NAALADL2: variants seen among roughly 807,000 people sequenced by gnomAD.
NAALADL2 encodes the protein inactive N-acetylated-alpha-linked acidic dipeptidase-like protein 2.
In NAALADL2, 76 loss-of-function variants were observed where a neutral mutation model predicts 87.2. The observed-to-expected ratio is 0.87, with a 90% CI of 0.72 to 1.05. The LOEUF (loss-of-function observed/expected upper bound fraction) is 1.05. Ranked by LOEUF, NAALADL2 falls within the 50% of genes least tolerant of loss-of-function variation. NAALADL2 has a pLI of 0.00. For synonymous variants in NAALADL2, 354 were observed against 331.0 expected, an observed-to-expected ratio of 1.07 and a Z score of -0.75; for missense variants, 1,089 against 945.8, an observed-to-expected ratio of 1.15 and a Z score of -1.99.
At position 175,718,195 on chromosome 3, in the gene NAALADL2, G is replaced by GTTTTTTTT. The variant is rs1244400650; in HGVS notation, c.1897-19090_1897-19083dup. ...TGGAGGGGAAGGGGAAGGGCCTGTG[G>GTTTTTTTT]TTTTTTTTTTTTTTTTTTTTTTTTT... is the stretch of plus-strand genomic sequence containing the variant. On this transcript the variant is annotated intron_variant, in intron 11 of 13. Coordinates refer to ENST00000454872, the MANE Select transcript of NAALADL2 (RefSeq NM_207015.3). 68 of 823,390 alleles carry GTTTTTTTT rather than the reference G, an allele frequency of 8.3e-5. 17 individuals carry two copies. Among genetic ancestry groups the GTTTTTTTT allele is most frequent in the South Asian group, 2.4e-4 (13 of 54,356 alleles). 51.0% of individuals were successfully genotyped at this position (823,390 alleles called of 1,614,324 possible).
At chr3:175,597,633 G>A (rs1167370744) in intron 10 of NAALADL2, among the ~76,000 whole-genome samples, 1 of 151,934 alleles carries the variant, frequency 6.6e-6, no homozygotes. Flanking sequence ...TGTTGTAGGG[G>A]TCTGTCCTCT....
At chr3:175,570,813 G>A (rs1717956961) in intron 9 of NAALADL2, among the ~76,000 whole-genome samples, 1 of 149,522 alleles carries the variant, frequency 6.7e-6, no homozygotes, top group Non-Finnish European at 1.5e-5. Flanking sequence ...CCAGGGGGCA[G>A]AGCTTGCAGT....
chr3:175,330,190 A>G (rs894230916), intron 5 of NAALADL2, among the ~76,000 whole-genome samples: 8 of 152,208 alleles, frequency 5.3e-5, no homozygotes, highest in African/African-American at 1.7e-4. Context: ...TAATGTTTCT[A>G]TCTTAAAGAA....
intron 13 of NAALADL2, among the ~76,000 whole-genome samples, chr3:175,773,981 C>G (rs1274055201): frequency 2.0e-5 from 3 of 152,186 alleles, no homozygotes; most frequent in Admixed American, 2.0e-4. Flanking sequence ...TTTATGAACT[C>G]TTGATGACTG....
intron 9 of NAALADL2, among the ~76,000 whole-genome samples, chr3:175,506,043 C>A (rs1730263285): frequency 6.6e-6 from 1 of 152,134 alleles, no homozygotes; most frequent in Admixed American, 6.6e-5. Context: ...CCCTTTTGAC[C>A]TAAGAATTCT....
At chr3:175,167,038 T>G (rs1250934624) in intron 2 of NAALADL2, among the ~76,000 whole-genome samples, 3 of 152,094 alleles carry the variant, frequency 2.0e-5, no homozygotes, top group Non-Finnish European at 4.4e-5. Context: ...ACATTTAAGT[T>G]CTTTCTAGTG....
intron 1 of NAALADL2, among the ~76,000 whole-genome samples, chr3:174,867,959 A>G (rs1560302543): frequency 6.6e-6 from 1 of 152,060 alleles, no homozygotes. Context: ...TCTAAGAATG[A>G]AAAGGCAAAT....
At chr3:175,497,775 T>C (rs1582136739) in intron 9 of NAALADL2, among the ~76,000 whole-genome samples, 1 of 152,144 alleles carries the variant, frequency 6.6e-6, no homozygotes, top group Admixed American at 6.6e-5. Context: ...ATATGCAGTA[T>C]ATAAGTGTTG....
intron 4 of NAALADL2, among the ~76,000 whole-genome samples, chr3:175,305,405 A>G (rs1415411597): frequency 1.4e-4 from 22 of 152,178 alleles, no homozygotes; most frequent in Non-Finnish European, 4.4e-5. Flanking sequence ...TGAAAGATGT[A>G]CATCTCTTGT....
intron 2 of NAALADL2, among the ~76,000 whole-genome samples, chr3:174,633,137 G>A (rs577523437): frequency 6.6e-6 from 1 of 151,394 alleles, no homozygotes; most frequent in Non-Finnish European, 1.5e-5. Context: ...TTTGGTTGCC[G>A]TTTTTTTGGC....
intron 2 of NAALADL2, among the ~76,000 whole-genome samples, chr3:175,114,208 A>G (rs1416795787): frequency 6.6e-6 from 1 of 151,542 alleles, no homozygotes; most frequent in Non-Finnish European, 1.5e-5. Context: ...TAATGCAGGT[A>G]TAGACAAAAT....
intron 1 of NAALADL2, among the ~76,000 whole-genome samples, chr3:174,930,979 G>T (rs1449985888): frequency 1.3e-5 from 2 of 151,414 alleles, no homozygotes; most frequent in African/African-American, 2.4e-5. Flanking sequence ...GAACTAAGTA[G>T]AATCACTTTT....
intron 3 of NAALADL2, among the ~76,000 whole-genome samples, chr3:174,760,387 A>G (rs1712765502): frequency 6.6e-6 from 1 of 152,242 alleles, no homozygotes; most frequent in Non-Finnish European, 1.5e-5. Context: ...AGGTCAGCCA[A>G]TACATAATAG....
chr3:175,364,614 C>A (rs752305884), intron 5 of NAALADL2, among the ~76,000 whole-genome samples: 1 of 147,532 alleles, frequency 6.8e-6, no homozygotes, highest in Admixed American at 7.0e-5. Context: ...AGCTGAGACC[C>A]AAGCTTGATG....
In NAALADL2 at chr3:175,708,004, GA is replaced by G. The variant is rs71626218; in HGVS notation, c.1897-29293del. Among the ~76,000 whole-genome samples, 688 of 149,550 alleles carry G rather than the reference GA, an allele frequency of 4.6e-3. 2 individuals are homozygous for G. Among genetic ancestry groups the G allele is most frequent in the Admixed American group, 5.5e-3 (82 of 14,914 alleles). ...GATTCACCGAACTGAAGACATGGGG[GA>G]AAAAAAAACAAACAAACGAACAAAC... On this transcript the variant is annotated intron_variant, in intron 11 of 13. Coordinates refer to ENST00000454872, the MANE Select transcript of NAALADL2 (RefSeq NM_207015.3).
chr3:175,628,279 G>A (rs1053752242), intron 11 of NAALADL2, among the ~76,000 whole-genome samples: 1 of 151,702 alleles, frequency 6.6e-6, no homozygotes, highest in Non-Finnish European at 1.5e-5. Flanking sequence ...TAATGTAAGT[G>A]TCTGAGCATA....
At position 175,761,453 on chromosome 3, in the gene NAALADL2, G is replaced by T. The variant is rs79838052; in HGVS notation, c.2189+6035G>T. 7.4e-4 allele frequency among the ~76,000 whole-genome samples: 113 copies of T among 152,282 alleles called. No homozygotes were observed. In the East Asian group the frequency reaches 0.014, roughly 19 times the overall value. ...AGTTTTGGCAGTTGTGAATAAAGCT[G>T]CTCTACATATTTTGGTGCAGGCTTT... On this transcript the variant is annotated intron_variant, in intron 13 of 13. Coordinates refer to ENST00000454872, the MANE Select transcript of NAALADL2 (RefSeq NM_207015.3).
rs187709317 is a variant in NAALADL2, at chr3:175,761,272, G to A, written c.2189+5854G>A. Among the ~76,000 whole-genome samples, 479 of 152,146 alleles carry A rather than the reference G, an allele frequency of 3.1e-3. 7 individuals are homozygous for A. The highest frequency in any genetic ancestry group is 0.011 in the African/African-American group (460 of 41,500). ...ATCTTTTTACTGTCTCCATAGTTTTGCCTTTTCCAGAATGTCACCTATTTG... is the reference window on the plus strand; with the variant it reads ...ATCTTTTTACTGTCTCCATAGTTTTACCTTTTCCAGAATGTCACCTATTTG... On this transcript the variant is annotated intron_variant, in intron 13 of 13. Transcript: ENST00000454872.
At chr3:175,153,229 C>A (rs1411402759) in intron 2 of NAALADL2, among the ~76,000 whole-genome samples, 1 of 152,154 alleles carries the variant, frequency 6.6e-6, no homozygotes, top group East Asian at 1.9e-4. Context: ...GCCTTTCCAG[C>A]CAAATGGAGG....
Sources: allele counts gnomAD v4.1 joint callset (sites outside exome capture counted in the v4.1 genomes callset), GRCh38; gene constraint gnomAD v4.1.1; transcripts MANE v1.5; gene names NCBI Gene and HGNC (gene_info 2026-07-23, HGNC 2026-07-21).